The following SLC52A2 variants were observed in gnomAD, a reference collection of about 807,000 sequenced individuals.
SLC52A2 encodes solute carrier family 52 member 2.
In SLC52A2, 16 loss-of-function variants were observed where a neutral mutation model predicts 24.8. The observed-to-expected ratio is 0.64, with a 90% CI of 0.44 to 0.98. The LOEUF is 0.98. SLC52A2 is among the 50% of genes least tolerant of loss of function. The pLI is 0.00. For missense variants in SLC52A2, 612 were observed against 575.9 expected, an observed-to-expected ratio of 1.06 and a Z score of -0.64; for synonymous variants, 335 against 276.3, an observed-to-expected ratio of 1.21 and a Z score of -2.11.
rs1224391075 is a variant in SLC52A2, at chr8:144,359,969, C to T, written c.477C>T (p.Cys159=). 2.5e-6 allele frequency: 4 copies of T among 1,613,184 alleles called. No individual in the cohort carries two copies. Among genetic ancestry groups the T allele is most frequent in the Non-Finnish European group, 3.4e-6 (4 of 1,180,014 alleles). ...AAGGCCTGAGTGCCCTGCTGCCCTGCGTGCTGGCCCTAGTGCAGGGTGTGG... is the reference window on the plus strand; with the variant it reads ...AAGGCCTGAGTGCCCTGCTGCCCTGTGTGCTGGCCCTAGTGCAGGGTGTGG... ...LGQGLSALLP[C]VLALVQGVGR... The change falls in exon 3 of 5, where the codon TGC becomes TGT. Residue 159 remains cysteine (C), a synonymous_variant. Transcript: ENST00000643944.
At position 144,360,194 on chromosome 8, in the gene SLC52A2, G is replaced by T; in HGVS notation, c.702G>T (p.Gln234His). Residue 234 changes from glutamine (Q) to histidine (H), a missense_variant, in exon 3 of 5, where the codon CAG (glutamine) becomes CAT (histidine). Gln to His is a conservative substitution (Grantham distance 24). Transcript: ENST00000643944. ...VPTGELGSGL[Q>H]VGAPGAEEEV... ...CAGGGGAGTTAGGATCAGGCCTCCA[G>T]GTGGGAGCCCCAGGAGCAGAGGAAG... is the stretch of plus-strand genomic sequence containing the variant. The T allele has an allele frequency of 6.2e-7, 1 of 1,612,876 alleles. No homozygotes were observed. The highest frequency in any genetic ancestry group is 8.5e-7 in the Non-Finnish European group (1 of 1,180,030).
Position 144,359,383 on chromosome 8 carries a change from CTGGGTGGAGCTACCTG to C in SLC52A2, c.94_109del (p.Val32TrpfsTer29). The stretch of plus-strand genomic sequence containing the variant: ...GCTCCTGGGCTGCGGTCAATGGGAT[CTGGGTGGAGCTACCTG>C]TGGTGGTCAAAGAGCTTCCAGAGGG... On this transcript the variant is annotated frameshift_variant, in exon 2 of 5. Coordinates refer to ENST00000643944, the MANE Select transcript of SLC52A2 (RefSeq NM_001363118.2). LOFTEE classifies it high-confidence loss of function. The C allele has an allele frequency of 6.2e-7, 1 of 1,614,052 alleles. No individual in the cohort carries two copies.
Position 144,360,742 on chromosome 8 carries a change from G to T in SLC52A2, c.1125+29G>T, listed in dbSNP as rs199918737. On this transcript the variant is annotated intron_variant, in intron 4 of 4. Coordinates refer to ENST00000643944, the MANE Select transcript of SLC52A2 (RefSeq NM_001363118.2). ...AGCACAGGGGGACATGAAGTGGGGT[G>T]GGGGGGCGTTGCCCTGGAGCAGGCA... 7.5e-6 allele frequency: 12 copies of T among 1,602,364 alleles called. No individual in the cohort carries two copies. In the Admixed American group the frequency reaches 1.3e-4, roughly 18 times the overall value.
At position 144,359,109 on chromosome 8, in the gene SLC52A2, C is replaced by T. The variant is rs1379194770; in HGVS notation, c.-111+44C>T. The T allele has an allele frequency of 1.0e-5, 9 of 883,084 alleles. No individual in the cohort carries two copies. In the East Asian group the frequency reaches 1.1e-4, roughly 11 times the overall value. The allele number at this position is 883,084 out of a possible 1,614,324, so 54.7% of individuals were successfully genotyped here. A position where few individuals can be genotyped will look rare whatever the true frequency, so the allele number is the denominator to read the frequency against. ...TCCCCATCTGCGCTCCTGCCCGGGG[C>T]TCCCCCAGTTCCCCTGGTCTCACCC... On this transcript the variant is annotated intron_variant, in intron 1 of 4. Coordinates refer to ENST00000643944, the MANE Select transcript of SLC52A2 (RefSeq NM_001363118.2).
chr8:144,360,754 C>T, intron 4 of SLC52A2, 41 bp downstream of exon 4: 1 of 1,605,756 alleles, frequency 6.2e-7, no homozygotes, highest in Non-Finnish European at 8.5e-7. Flanking sequence ...GGGGGCGTTG[C>T]CCTGGAGCAG....
Position 144,360,837 on chromosome 8 carries a change from C to T in SLC52A2, c.1160C>T (p.Ser387Phe), listed in dbSNP as rs1213343967. The change falls in exon 5 of 5, where the codon TCC (serine) becomes TTC (phenylalanine). Residue 387 changes from serine to phenylalanine, a missense_variant. Transcript: ENST00000643944. The stretch of plus-strand genomic sequence containing the variant: ...TGGGTGCTGTGTCTTGGCGTGTTCT[C>T]CTACGTGAAGGTGGCAGCCAGCTCC... ...LSWVLCLGVF[S>F]YVKVAASSLL... 1.2e-6 allele frequency: 2 copies of T among 1,613,328 alleles called. No homozygotes were observed. The highest frequency in any genetic ancestry group is 1.1e-5 in the South Asian group (1 of 91,058).
At position 144,361,082 on chromosome 8, in the gene SLC52A2, G is replaced by A. The variant is rs1818865299; in HGVS notation, c.*67G>A. On this transcript the variant is annotated 3_prime_UTR_variant, in exon 5 of 5. Coordinates refer to ENST00000643944, the MANE Select transcript of SLC52A2 (RefSeq NM_001363118.2). ...CCCTCAATGCTGCCACCATGCCTGA[G>A]TGCCTGCAGCCCAGGAGGCCCGCAC... is the stretch of plus-strand genomic sequence containing the variant. 6.6e-7 allele frequency: 1 copy of A among 1,517,688 alleles called. No individual in the cohort carries two copies. Among genetic ancestry groups the A allele is most frequent in the African/African-American group, 1.4e-5 (1 of 73,176 alleles). 94.0% of individuals were successfully genotyped at this position (1,517,688 alleles called of 1,614,324 possible).
At position 144,359,885 on chromosome 8, in the gene SLC52A2, T is replaced by G. The variant is rs1351612767; in HGVS notation, c.393T>G (p.Thr131=). 1 of 1,613,644 alleles carries G rather than the reference T, an allele frequency of 6.2e-7. No homozygotes were observed. The highest frequency in any genetic ancestry group is 1.3e-5 in the African/African-American group (1 of 74,922). The change falls in exon 3 of 5, where the codon ACT becomes ACG. Residue 131 remains threonine, a synonymous_variant. Transcript: ENST00000643944. ...LALACCASNV[T]FLPFLSHLPP... The stretch of plus-strand genomic sequence containing the variant: ...TGGCATGCTGTGCCTCGAATGTCAC[T>G]TTCCTGCCCTTCTTGAGCCACCTGC...
In SLC52A2 at chr8:144,359,224, C is replaced by G. The variant is rs1564653467; in HGVS notation, c.-70C>G. ...ACTTCCCAGGAGAGCCAAAGCGTGT[C>G]TGGCCCTAGGTGGGAAAAGAACTGG... On this transcript the variant is annotated 5_prime_UTR_variant, in exon 2 of 5. Transcript: ENST00000643944. 6.5e-7 allele frequency: 1 copy of G among 1,536,934 alleles called. No homozygotes were observed. Among genetic ancestry groups the G allele is most frequent in the East Asian group, 2.3e-5 (1 of 44,352 alleles).
rs1331607660 is a variant in SLC52A2, at chr8:144,359,386, G to C, written c.93G>C (p.Trp31Cys). ...CCTGGGCTGCGGTCAATGGGATCTG[G>C]GTGGAGCTACCTGTGGTGGTCAAAG... ...MGSWAAVNGI[W>C]VELPVVVKEL... is the part of the protein sequence containing the mutation. The change falls in exon 2 of 5, where the codon TGG (tryptophan) becomes TGC (cysteine). Residue 31 changes from tryptophan to cysteine, a missense_variant. Coordinates refer to ENST00000643944, the MANE Select transcript of SLC52A2 (RefSeq NM_001363118.2). 6.2e-7 allele frequency: 1 copy of C among 1,614,044 alleles called. No homozygotes were observed. The highest frequency in any genetic ancestry group is 8.5e-7 in the Non-Finnish European group (1 of 1,179,964).
chr8:144,359,005 C>T lies in SLC52A2; in HGVS notation c.-171C>T. ...TCCACTCGCTCCTTCGGCCTCCTCC[C>T]CTGGGGCCGCAGCGACTCGGGCCGG... On this transcript the variant is annotated 5_prime_UTR_variant, in exon 1 of 5. Coordinates refer to ENST00000643944, the MANE Select transcript of SLC52A2 (RefSeq NM_001363118.2). 2.5e-6 allele frequency: 1 copy of T among 399,668 alleles called. No individual in the cohort carries two copies. The highest frequency in any genetic ancestry group is 4.5e-6 in the Non-Finnish European group (1 of 221,544). 24.8% of individuals were successfully genotyped at this position (399,668 alleles called of 1,614,324 possible).
chr8:144,360,505 C>T lies in SLC52A2; in HGVS notation c.1001+12C>T, dbSNP rs1554854358. On this transcript the variant is annotated intron_variant, in intron 3 of 4. Coordinates refer to ENST00000643944, the MANE Select transcript of SLC52A2 (RefSeq NM_001363118.2). ...GGTGTGCTGTGCAGGTACACAAGGA[C>T]CCCCAGCCCCTGTGCGGGTGGAACT... The T allele has an allele frequency of 1.9e-6, 3 of 1,588,720 alleles. No individual in the cohort carries two copies. Among genetic ancestry groups the T allele is most frequent in the Non-Finnish European group, 8.5e-7 (1 of 1,171,394 alleles).
rs1818749779 is a variant in SLC52A2 at position 144,360,084 on chromosome 8, TG to T, written c.595del (p.Ala199HisfsTer2). The T allele has an allele frequency of 1.9e-6, 3 of 1,612,846 alleles. No homozygotes were observed. Among genetic ancestry groups the T allele is most frequent in the Admixed American group, 3.3e-5 (2 of 60,004 alleles). ...LERFPASTFF[W>X]ALTALLVASA... The stretch of plus-strand genomic sequence containing the variant: ...GCGTTTTCCCGCCAGCACCTTCTTC[TG>T]GGCACTGACTGCCCTTCTGGTCGCT... On this transcript the variant is annotated frameshift_variant, in exon 3 of 5. Transcript: ENST00000643944. LOFTEE classifies it high-confidence loss of function.
chr8:144,359,206 A>G lies in SLC52A2; in HGVS notation c.-88A>G. 1 of 1,520,238 alleles carries G rather than the reference A, an allele frequency of 6.6e-7. No homozygotes were observed. Among genetic ancestry groups the G allele is most frequent in the Non-Finnish European group, 8.8e-7 (1 of 1,135,848 alleles). 94.2% of individuals were successfully genotyped at this position (1,520,238 alleles called of 1,614,324 possible). A position where few individuals can be genotyped will look rare whatever the true frequency, so the allele number is the denominator to read the frequency against. On this transcript the variant is annotated 5_prime_UTR_variant, in exon 2 of 5. Transcript: ENST00000643944. Reference sequence around the variant, plus strand: ...AAGCTAGAAGAAGTCTTCACTTCCCAGGAGAGCCAAAGCGTGTCTGGCCCT... The same window carrying G: ...AAGCTAGAAGAAGTCTTCACTTCCCGGGAGAGCCAAAGCGTGTCTGGCCCT...
rs1554854683 is a variant in SLC52A2, at chr8:144,361,057, C to G, written c.*42C>G. ...ACCCCGCTCCCCAACACCTGTCTTT[C>G]CCTCAATGCTGCCACCATGCCTGAG... On this transcript the variant is annotated 3_prime_UTR_variant, in exon 5 of 5. Coordinates refer to ENST00000643944, the MANE Select transcript of SLC52A2 (RefSeq NM_001363118.2). 1 of 1,586,096 alleles carries G rather than the reference C, an allele frequency of 6.3e-7. No individual in the cohort carries two copies. The highest frequency in any genetic ancestry group is 1.7e-5 in the Admixed American group (1 of 59,506).
Position 144,360,245 on chromosome 8 carries a change from A to G in SLC52A2, c.753A>G (p.Gln251=). The G allele has an allele frequency of 1.2e-6, 2 of 1,612,582 alleles. No homozygotes were observed. The highest frequency in any genetic ancestry group is 1.7e-6 in the Non-Finnish European group (2 of 1,180,010). ...AGGTGGAAGAGTCCTCACCACTGCA[A>G]GAGCCACCAAGCCAGGCAGCAGGCA... ...EEEVEESSPL[Q]EPPSQAAGTT... The change falls in exon 3 of 5, where the codon CAA becomes CAG. Residue 251 remains glutamine, a synonymous_variant. Coordinates refer to ENST00000643944, the MANE Select transcript of SLC52A2 (RefSeq NM_001363118.2).
rs782343116 is a variant in SLC52A2 at position 144,359,371 on chromosome 8, G to A, written c.78G>A (p.Ala26=). Residue 26 remains alanine, a synonymous_variant, in exon 2 of 5, where the codon GCG becomes GCA. Transcript: ENST00000643944. ...VALFGMGSWA[A]VNGIWVELPV... is the part of the protein sequence containing the mutation. ...TCTTCGGCATGGGCTCCTGGGCTGCGGTCAATGGGATCTGGGTGGAGCTAC... is the reference window on the plus strand; with the variant it reads ...TCTTCGGCATGGGCTCCTGGGCTGCAGTCAATGGGATCTGGGTGGAGCTAC... 2 of 1,614,102 alleles carry A rather than the reference G, an allele frequency of 1.2e-6. No homozygotes were observed. Among genetic ancestry groups the A allele is most frequent in the Admixed American group, 1.7e-5 (1 of 60,022 alleles).
rs1564657067 is a variant in SLC52A2 at position 144,360,504 on chromosome 8, AC to A, written c.1001+16del. On this transcript the variant is annotated intron_variant, in intron 3 of 4. Coordinates refer to ENST00000643944, the MANE Select transcript of SLC52A2 (RefSeq NM_001363118.2). ...GGGTGTGCTGTGCAGGTACACAAGGACCCCCAGCCCCTGTGCGGGTGGAACT... is the reference window on the plus strand; with the variant it reads ...GGGTGTGCTGTGCAGGTACACAAGGACCCCAGCCCCTGTGCGGGTGGAACT... 5.7e-6 allele frequency: 9 copies of A among 1,588,204 alleles called. No homozygotes were observed. Among genetic ancestry groups the A allele is most frequent in the Admixed American group, 5.1e-5 (3 of 59,384 alleles).
In SLC52A2 at chr8:144,359,317, T is replaced by G; in HGVS notation, c.24T>G (p.Arg8=). The change falls in exon 2 of 5, where the codon CGT becomes CGG. Residue 8 remains arginine, a synonymous_variant. Coordinates refer to ENST00000643944, the MANE Select transcript of SLC52A2 (RefSeq NM_001363118.2). MAAPTPA[R]PVLTHLLVAL... is the part of the protein sequence containing the mutation. ...GAATGGCAGCACCCACGCCCGCCCG[T>G]CCGGTGCTGACCCACCTGCTGGTGG... 6.2e-7 allele frequency: 1 copy of G among 1,613,632 alleles called. No individual in the cohort carries two copies. The highest frequency in any genetic ancestry group is 8.5e-7 in the Non-Finnish European group (1 of 1,179,916).
Sources: gnomAD v4.1 joint callset for allele counts on GRCh38, gnomAD v4.1.1 for gene constraint, MANE v1.5 for transcripts, NCBI Gene and HGNC (gene_info 2026-07-23, HGNC 2026-07-21) for gene names.